SLC1A5: variants seen among roughly 807,000 people sequenced by gnomAD.
The protein encoded by SLC1A5 is neutral amino acid transporter B(0).
In SLC1A5, 25 loss-of-function variants were observed where a neutral mutation model predicts 34.9. The ratio of observed to expected loss-of-function variants is 0.72; its 90% CI spans 0.52 to 1.00. The LOEUF (loss-of-function observed/expected upper bound fraction) is 1.00. Ranked by LOEUF, SLC1A5 falls within the 50% of genes least tolerant of loss-of-function variation. The pLI is 0.00. For missense variants in SLC1A5, 637 were observed against 740.0 expected (o/e 0.86, Z 1.61); for synonymous variants, 351 against 341.2 (o/e 1.03, Z -0.32).
Position 46,782,431 on chromosome 19 carries a change from A to C in SLC1A5, c.776T>G (p.Phe259Cys). Reference sequence around the variant, plus strand: ...CATGGTGGCCTCATTGAAGGAGTTGAAGAAGCGGATAAGCAGCTCCCCTTC... The same window carrying C: ...CATGGTGGCCTCATTGAAGGAGTTGCAGAAGCGGATAAGCAGCTCCCCTTC... ...GPEGELLIRF[F>C]NSFNEATMVL... The change falls in exon 4 of 8, where the codon TTC becomes TGC. Residue 259 changes from phenylalanine to cysteine, a missense_variant. By Grantham distance (205) the Phe-to-Cys change is radical (BLOSUM62 -2). Transcript: ENST00000542575. 3 of 1,468,682 alleles carry C rather than the reference A, an allele frequency of 2.0e-6. No individual in the cohort carries two copies. The highest frequency in any genetic ancestry group is 2.8e-6 in the Non-Finnish European group (3 of 1,088,806). 91.0% of individuals were successfully genotyped at this position (1,468,682 alleles called of 1,614,324 possible). A position where few individuals can be genotyped will look rare whatever the true frequency, so the allele number is the denominator to read the frequency against.
chr19:46,783,711 C>T (rs1478281362), intron 3 of SLC1A5, among the ~76,000 whole-genome samples: 2 of 152,092 alleles, frequency 1.3e-5, no homozygotes, highest in Non-Finnish European at 2.9e-5. Context: ...CACTTGAGCC[C>T]AGGAGGTGGA....
rs775005561 is a variant in SLC1A5, at chr19:46,787,423, G to A, written c.543C>T (p.Leu181=). The change falls in exon 1 of 8, where the codon CTC becomes CTT. Residue 181 remains leucine (L), a synonymous_variant. Coordinates refer to ENST00000542575, the MANE Select transcript of SLC1A5 (RefSeq NM_005628.3). This position sits in a 1 kb window ranked among gnomAD's most constrained non-coding sequence, Gnocchi z 5.2. ...SAENAPSKEV[L]DSFLDLARNI... Reference sequence around the variant, plus strand: ...ACCTCGCAAGATCCAGGAACGAATCGAGCACCTCCTTGCTGGGGGCATTTT... The same window carrying A: ...ACCTCGCAAGATCCAGGAACGAATCAAGCACCTCCTTGCTGGGGGCATTTT... The A allele has an allele frequency of 3.1e-6, 5 of 1,601,366 alleles. No individual in the cohort carries two copies. In the East Asian group the frequency reaches 9.0e-5, roughly 29 times the overall value.
At chr19:46,786,882 C>A (rs1170910891) in intron 1 of SLC1A5, among the ~76,000 whole-genome samples, 1 of 152,110 alleles carries the variant, frequency 6.6e-6, no homozygotes, top group Non-Finnish European at 1.5e-5. Flanking sequence ...GGGCGGGAAG[C>A]GGAGGCCAAA....
intron 5 of SLC1A5, among the ~76,000 whole-genome samples, chr19:46,777,646 C>A (rs1278605311): frequency 6.9e-6 from 1 of 144,076 alleles, no homozygotes; most frequent in Non-Finnish European, 1.5e-5. Context: ...CCCACCCACA[C>A]CACCTGCCCA....
intron 1 of SLC1A5, among the ~76,000 whole-genome samples, chr19:46,786,053 CAAAAA>C (rs34681600): frequency 9.7e-6 from 1 of 102,648 alleles, no homozygotes; most frequent in African/African-American, 3.5e-5. Context: ...GAGACTGTCT[CAAAAA>C]AAAAAAAAAA....
At chr19:46,781,159 C>A (rs1308484481) in intron 4 of SLC1A5, among the ~76,000 whole-genome samples, 1 of 152,182 alleles carries the variant, frequency 6.6e-6, no homozygotes, top group East Asian at 1.9e-4. Context: ...CCAATAGATT[C>A]CTCACGGGAA....
chr19:46,783,741 C>T (rs1446519274), intron 3 of SLC1A5, among the ~76,000 whole-genome samples: 2 of 152,122 alleles, frequency 1.3e-5, no homozygotes, highest in African/African-American at 4.8e-5. Context: ...GAGCTGTGAT[C>T]GTGCCACCGT....
intron 4 of SLC1A5, 37 bp downstream of exon 4, chr19:46,782,346 A>AACCCCCCCCCCCC: frequency 1.9e-5 from 11 of 567,970 alleles, no homozygotes; most frequent in East Asian, 3.6e-5. Flanking sequence ...CGACCCTCCA[A>AACCCCCCCCCCCC]CCCCACCCAC....
chr19:46,776,991 C>T lies in SLC1A5; in HGVS notation c.1372G>A (p.Ala458Thr), dbSNP rs1480609354. 11 of 1,613,698 alleles carry T rather than the reference C, an allele frequency of 6.8e-6. No individual in the cohort carries two copies. Among genetic ancestry groups the T allele is most frequent in the Non-Finnish European group, 7.6e-6 (9 of 1,179,910 alleles). The part of the protein sequence containing the change: ...LPVDHISLIL[A>T]VDWLVDRSCT... The stretch of plus-strand genomic sequence containing the variant: ...CACACTCACACTAGCCAGTCCACAG[C>T]CAGGATCAAGGAGATATGGTCGACC... Residue 458 changes from alanine to threonine, a missense_variant, in exon 7 of 8, where the codon GCT becomes ACT. Coordinates refer to ENST00000542575, the MANE Select transcript of SLC1A5 (RefSeq NM_005628.3).
At chr19:46,786,293 G>A (rs538201240) in intron 1 of SLC1A5, among the ~76,000 whole-genome samples, 1 of 152,288 alleles carries the variant, frequency 6.6e-6, no homozygotes, top group African/African-American at 2.4e-5. Flanking sequence ...GTGTCCAGCT[G>A]TATGTCATTT....
intron 4 of SLC1A5, 37 bp downstream of exon 4, chr19:46,782,346 A>ACCCCCCCCCCCCCCCTCC: frequency 1.8e-6 from 1 of 567,986 alleles, no homozygotes; most frequent in Non-Finnish European, 3.2e-6. Flanking sequence ...CGACCCTCCA[A>ACCCCCCCCCCCCCCCTCC]CCCCACCCAC....
chr19:46,778,918 AAC>A lies in SLC1A5; in HGVS notation c.825-12_825-11del. ...GCCCACAGGGGCGTACCTGATCAGT[AAC>A]ACAGGAGACAGCTTGTTGCCTCTTC... is the stretch of plus-strand genomic sequence containing the variant. On this transcript the variant is annotated splice_polypyrimidine_tract_variant and intron_variant, in intron 4 of 7. Coordinates refer to ENST00000542575, the MANE Select transcript of SLC1A5 (RefSeq NM_005628.3). 1 of 1,536,638 alleles carries A rather than the reference AAC, an allele frequency of 6.5e-7. No individual in the cohort carries two copies. The highest frequency in any genetic ancestry group is 8.8e-7 in the Non-Finnish European group (1 of 1,140,088).
At chr19:46,783,093 T>A (rs1322981135) in intron 3 of SLC1A5, among the ~76,000 whole-genome samples, 2 of 152,272 alleles carry the variant, frequency 1.3e-5, no homozygotes, top group East Asian at 3.9e-4. Context: ...GCAAGGAGAC[T>A]GGACTTTCTC....
Position 46,775,178 on chromosome 19 carries a change from C to T in SLC1A5, c.*332G>A. ...CCCCCCAGTGGGGGCTAGAATTCCC[C>T]ATGGTGACCTGTGACCTGCTCCCTG... On this transcript the variant is annotated 3_prime_UTR_variant, in exon 8 of 8. Transcript: ENST00000542575. 2 of 1,069,308 alleles carry T rather than the reference C, an allele frequency of 1.9e-6. No homozygotes were observed. The highest frequency in any genetic ancestry group is 6.7e-5 in the South Asian group (2 of 30,036). The allele number at this position is 1,069,308 out of a possible 1,614,324, so 66.2% of individuals were successfully genotyped here.
chr19:46,777,703 C>CA (rs1318745236), intron 5 of SLC1A5, among the ~76,000 whole-genome samples: 1 of 148,392 alleles, frequency 6.7e-6, no homozygotes, highest in Non-Finnish European at 1.5e-5. Context: ...CTTGCCCAGC[C>CA]AAAGCCCCGC....
Position 46,782,374 on chromosome 19 carries a change from A to AACCC in SLC1A5, c.824+8_824+9insGGGT, listed in dbSNP as rs2055153538. ...CCACCCACCCCCAGCCTCCTCTCCC[A>AACCC]CCACCTACCACATGATCCAGGAGAC... On this transcript the variant is annotated intron_variant, in intron 4 of 7. Coordinates refer to ENST00000542575, the MANE Select transcript of SLC1A5 (RefSeq NM_005628.3). 8 of 240,330 alleles carry AACCC rather than the reference A, an allele frequency of 3.3e-5. No individual in the cohort carries two copies. The highest frequency in any genetic ancestry group is 4.9e-5 in the Non-Finnish European group (7 of 143,354). The allele number at this position is 240,330 out of a possible 1,614,324, so 14.9% of individuals were successfully genotyped here.
At chr19:46,785,626 C>T (rs1373502948) in intron 1 of SLC1A5, among the ~76,000 whole-genome samples, 1 of 152,238 alleles carries the variant, frequency 6.6e-6, no homozygotes, top group Middle Eastern at 3.2e-3. Flanking sequence ...ACTCCACATG[C>T]TCCCTCTCAC....
At chr19:46,780,638 G>C (rs1413287149) in intron 4 of SLC1A5, among the ~76,000 whole-genome samples, 2 of 151,586 alleles carry the variant, frequency 1.3e-5, no homozygotes, top group Non-Finnish European at 2.9e-5. Flanking sequence ...GATTACAGGT[G>C]TGAGGTACCA....
In SLC1A5 at chr19:46,775,608, G is replaced by A; in HGVS notation, c.1528C>T (p.Leu510=). ...TTTCCTTCCTCAGTGGGGACTGGCA[G>A]CGGATCCAGGGGCAGCTCACTCTTC... ...QVKSELPLDP[L]PVPTEEGNPL... The change falls in exon 8 of 8, where the codon CTG becomes TTG. Residue 510 remains leucine, a synonymous_variant. Transcript: ENST00000542575. 6.2e-7 allele frequency: 1 copy of A among 1,614,184 alleles called. No individual in the cohort carries two copies.
Sources: allele counts gnomAD v4.1 joint callset (sites outside exome capture counted in the v4.1 genomes callset), GRCh38; gene constraint gnomAD v4.1.1; non-coding constraint Gnocchi (gnomAD v3.1); transcripts MANE v1.5; gene names NCBI Gene and HGNC (gene_info 2026-07-23, HGNC 2026-07-21).